CERT1: variants seen among roughly 807,000 people sequenced by gnomAD.
CERT1 encodes ceramide transfer protein.
A neutral mutation model predicts 87.9 loss-of-function variants in CERT1; 31 were observed. That is an observed-to-expected ratio of 0.35 (90% CI 0.27 to 0.48). The LOEUF is 0.48. Among genes scored for constraint, CERT1 ranks in the 20% least tolerant of loss-of-function variants. CERT1 has a pLI of 0.99. For synonymous variants in CERT1, 289 were observed against 250.9 expected (o/e 1.15, Z -1.44); for missense variants, 487 against 758.0 (o/e 0.64, Z 4.20).
chr5:75,469,879 T>C (rs1391300212), intron 2 of CERT1, among the ~76,000 whole-genome samples: 1 of 152,136 alleles, frequency 6.6e-6, no homozygotes, highest in Non-Finnish European at 1.5e-5. Context: ...TTTAAAAAGA[T>C]ATTCTATGCA....
Position 75,418,649 on chromosome 5 carries a change from G to C in CERT1, c.679+692C>G, listed in dbSNP as rs117523533. On this transcript the variant is annotated intron_variant, in intron 6 of 16. Coordinates refer to ENST00000643780, the MANE Select transcript of CERT1 (RefSeq NM_001379029.1). ...TATATCTATACAATAAAATACTACT[G>C]AGCTATGAGAAGAACTGAACTACTG... 1.1e-3 allele frequency among the ~76,000 whole-genome samples: 164 copies of C among 152,196 alleles called. 1 individual carries two copies. In the East Asian group the frequency reaches 0.027, roughly 25 times the overall value.
chr5:75,419,320 G>A (rs1192103399), intron 6 of CERT1, 21 bp downstream of exon 6: 1 of 1,485,294 alleles, frequency 6.7e-7, no homozygotes, highest in Non-Finnish European at 9.3e-7. Flanking sequence ...ATCCAGCTGA[G>A]GGGAAAAATG....
chr5:75,510,409 T>A (rs1447013538), intron 1 of CERT1, among the ~76,000 whole-genome samples: 2 of 152,138 alleles, frequency 1.3e-5, no homozygotes. Flanking sequence ...AGATAAAACA[T>A]CTTTTCCTTA....
At chr5:75,386,580 AAAATT>A (rs1174192779) in intron 12 of CERT1, among the ~76,000 whole-genome samples, 5 of 152,266 alleles carry the variant, frequency 3.3e-5, no homozygotes, top group African/African-American at 9.6e-5. Flanking sequence ...TAATTATTTT[AAAATT>A]ATAGAGTTTG....
intron 7 of CERT1, among the ~76,000 whole-genome samples, chr5:75,415,007 G>T (rs1763081398): frequency 6.6e-6 from 1 of 151,688 alleles, no homozygotes; most frequent in South Asian, 2.1e-4. Context: ...CTCTATTTAA[G>T]AACTTTCTAG....
intron 2 of CERT1, among the ~76,000 whole-genome samples, chr5:75,485,310 T>TAAA (rs1766459271): frequency 1.2e-4 from 3 of 24,330 alleles, no homozygotes; most frequent in Non-Finnish European, 1.7e-4. Context: ...TACACAAAAA[T>TAAA]ACAAAAAAAA....
chr5:75,472,556 GAACTC>G (rs1765762918), intron 2 of CERT1, among the ~76,000 whole-genome samples: 1 of 152,072 alleles, frequency 6.6e-6, no homozygotes, highest in South Asian at 2.1e-4. Flanking sequence ...AAAATATCAG[GAACTC>G]AACTCAATAA....
rs1761952181 is a variant in CERT1, at chr5:75,389,644, T to A, written c.1232A>T (p.Asp411Val). The change falls in exon 12 of 17, where the codon GAT becomes GTT. Residue 411 changes from aspartate (D) to valine (V), a missense_variant. Physicochemically the swap from Asp to Val is radical, Grantham distance 152. This residue lies in a region of CERT1 where 147 missense variants were observed against 200.8 expected (regional missense o/e 0.73). Transcript: ENST00000643780. ...CTGCCAATTGGCATCTCCGCCTACA[T>A]CCTGTAATGAGTAAGTCATGTGGTT... Reference protein sequence around the residue: ...VQNHMTYSLQDVGGDANWQLV... With the variant: ...VQNHMTYSLQVVGGDANWQLV... 6.2e-7 allele frequency: 1 copy of A among 1,614,118 alleles called. No individual in the cohort carries two copies. Among genetic ancestry groups the A allele is most frequent in the Non-Finnish European group, 8.5e-7 (1 of 1,179,996 alleles).
intron 3 of CERT1, among the ~76,000 whole-genome samples, chr5:75,431,286 T>C (rs1763855327): frequency 6.6e-6 from 1 of 152,134 alleles, no homozygotes; most frequent in South Asian, 2.1e-4. Context: ...AATGTTTACC[T>C]CCCACTTTTA....
chr5:75,417,927 C>T (rs1245808655), intron 6 of CERT1, among the ~76,000 whole-genome samples: 1 of 152,180 alleles, frequency 6.6e-6, no homozygotes, highest in African/African-American at 2.4e-5. Flanking sequence ...GAGGCCAAGG[C>T]GGGCGGATCA....
chr5:75,487,701 G>A (rs949047288), intron 2 of CERT1, among the ~76,000 whole-genome samples: 1 of 151,910 alleles, frequency 6.6e-6, no homozygotes, highest in Non-Finnish European at 1.5e-5. Flanking sequence ...AACATACACT[G>A]GGCAAGCACA....
intron 11 of CERT1, among the ~76,000 whole-genome samples, chr5:75,394,840 C>A (rs2112057199): frequency 6.6e-6 from 1 of 152,120 alleles, no homozygotes; most frequent in Non-Finnish European, 1.5e-5. Context: ...GATAAGGGTG[C>A]AAAGATGCAT....
intron 2 of CERT1, among the ~76,000 whole-genome samples, chr5:75,498,537 G>GGA (rs1767186242): frequency 6.6e-6 from 1 of 152,236 alleles, no homozygotes; most frequent in Non-Finnish European, 1.5e-5. Context: ...GCCACTCTGA[G>GGA]GACAGTTCAG....
At chr5:75,402,082 G>C (rs1405993252) in intron 9 of CERT1, 1 of 152,196 alleles carries the variant, frequency 6.6e-6, no homozygotes, top group African/African-American at 2.4e-5. Flanking sequence ...CTTGAAGCTA[G>C]TTAATGGGTT....
chr5:75,479,109 A>C (rs1040715435), intron 2 of CERT1, among the ~76,000 whole-genome samples: 1 of 152,082 alleles, frequency 6.6e-6, no homozygotes, highest in Admixed American at 6.6e-5. Context: ...GGGACAAAAA[A>C]AAAGACTGTG....
At chr5:75,406,498 T>G (rs1364059651) in intron 8 of CERT1, among the ~76,000 whole-genome samples, 1 of 152,228 alleles carries the variant, frequency 6.6e-6, no homozygotes. Context: ...TTGTTTCTTG[T>G]TGTATTCTCC....
intron 13 of CERT1, among the ~76,000 whole-genome samples, chr5:75,385,480 TA>T (rs1329517171): frequency 5.3e-5 from 8 of 152,026 alleles, no homozygotes; most frequent in Non-Finnish European, 1.2e-4. Context: ...TCTAAAAAAA[TA>T]AAATAATTCT....
At chr5:75,490,510 T>A (rs990420707) in intron 2 of CERT1, among the ~76,000 whole-genome samples, 2 of 152,132 alleles carry the variant, frequency 1.3e-5, no homozygotes, top group Non-Finnish European at 2.9e-5. Context: ...TTTATTTATT[T>A]TTTTTTGAGA....
chr5:75,491,088 T>C (rs1481568295), intron 2 of CERT1, among the ~76,000 whole-genome samples: 1 of 152,188 alleles, frequency 6.6e-6, no homozygotes, highest in Non-Finnish European at 1.5e-5. Flanking sequence ...TTGATTTGTA[T>C]GAATTTTTCC....
Sources: gnomAD v4.1 joint callset for allele counts (sites outside exome capture counted in the v4.1 genomes callset) on GRCh38, gnomAD v4.1.1 for gene constraint, gnomAD v4.1.1 regional missense constraint, MANE v1.5 for transcripts, NCBI Gene and HGNC (gene_info 2026-07-23, HGNC 2026-07-21) for gene names.